Variants in TEX9 observed in about 807,000 individuals in gnomAD.
TEX9 encodes testis-expressed protein 9.
TEX9 carries 74 observed loss-of-function variants against 59.6 expected under a neutral mutation model. The ratio of observed to expected loss-of-function variants is 1.24; its 90% CI spans 1.03 to 1.51. The LOEUF (loss-of-function observed/expected upper bound fraction) is 1.51. Ranked by LOEUF, TEX9 falls within the 40% of genes most tolerant of loss-of-function variation. TEX9 has a pLI of 0.00. For missense variants in TEX9, 522 were observed against 447.8 expected, an observed-to-expected ratio of 1.17 and a Z score of -1.49; for synonymous variants, 186 against 152.2, an observed-to-expected ratio of 1.22 and a Z score of -1.64.
intron 9 of TEX9, 126 bp from the exon 10 acceptor site, chr15:56,412,176 G>T: frequency 1.4e-6 from 1 of 729,898 alleles, no homozygotes; most frequent in Non-Finnish European, 2.1e-6. Flanking sequence ...CCCCAAGCGT[G>T]TGTGTGTGTG....
At chr15:56,256,983 A>G (rs2044158868) in intron 1 of TEX9, among the ~76,000 whole-genome samples, 1 of 151,428 alleles carries the variant, frequency 6.6e-6, no homozygotes, top group Non-Finnish European at 1.5e-5. Context: ...ATTCCCCTCT[A>G]TGTGTCCATG....
intron 9 of TEX9, among the ~76,000 whole-genome samples, chr15:56,411,377 A>T (rs7181235): frequency 0.54 from 81,789 of 150,622 alleles, 22,222 homozygotes; most frequent in African/African-American, 0.59. Flanking sequence ...TATGATGATA[A>T]ATGTCTCTCA....
intron 1 of TEX9, among the ~76,000 whole-genome samples, chr15:56,296,081 A>G (rs185829699): frequency 2.0e-5 from 3 of 152,284 alleles, no homozygotes; most frequent in Admixed American, 2.0e-4. Context: ...ACCCAATCCT[A>G]TAAGTGGATC....
intron 3 of TEX9, chr15:56,374,234 T>G (rs1346226965): frequency 1.4e-5 from 2 of 147,630 alleles, no homozygotes; most frequent in Non-Finnish European, 3.0e-5. Flanking sequence ...TTCATTACGT[T>G]TTCTACTCAG....
At chr15:56,335,357 A>G (rs1274195365) in intron 1 of TEX9, among the ~76,000 whole-genome samples, 1 of 152,170 alleles carries the variant, frequency 6.6e-6, no homozygotes, top group African/African-American at 2.4e-5. Context: ...AACAAAATGG[A>G]TGGAACTGGA....
intron 12 of TEX9, chr15:56,428,783 AACACAGACAGAAGGCAGTTC>A: frequency 2.8e-6 from 1 of 355,382 alleles, no homozygotes. Context: ...AAAGTTCGTA[AACACAGACAGAAGGCAGTTC>A]ACTTTGGGGT....
At chr15:56,250,771 A>T (rs1330145464) in intron 1 of TEX9, among the ~76,000 whole-genome samples, 1 of 152,176 alleles carries the variant, frequency 6.6e-6, no homozygotes, top group Non-Finnish European at 1.5e-5. Flanking sequence ...GAAAAAAAAA[A>T]ACAAAATAAT....
At chr15:56,365,458 G>A (rs537944924) in exon 1 of TEX9, 7 of 1,612,562 alleles carry the variant, frequency 4.3e-6, no homozygotes, top group Admixed American at 1.7e-5. Context: ...AAGATGGCGG[G>A]GCGAAGTCTG....
At chr15:56,332,894 A>G (rs1052637204) in intron 1 of TEX9, among the ~76,000 whole-genome samples, 1 of 152,150 alleles carries the variant, frequency 6.6e-6, no homozygotes, top group Non-Finnish European at 1.5e-5. Context: ...ATGAGCAACT[A>G]TATGCTAATA....
At chr15:56,442,069 T>C (rs1248867367) in intron 12 of TEX9, among the ~76,000 whole-genome samples, 1 of 151,630 alleles carries the variant, frequency 6.6e-6, no homozygotes, top group Non-Finnish European at 1.5e-5. Context: ...AAAAATAGGC[T>C]AAGTACATGA....
chr15:56,400,216 C>A (rs1253113405), intron 9 of TEX9, among the ~76,000 whole-genome samples: 1 of 152,108 alleles, frequency 6.6e-6, no homozygotes, highest in Non-Finnish European at 1.5e-5. Context: ...TAACCCAACA[C>A]AAGGAAGCTA....
chr15:56,427,843 G>A, intron 11 of TEX9, 104 bp downstream of exon 11: 1 of 845,306 alleles, frequency 1.2e-6, no homozygotes, highest in Non-Finnish European at 1.7e-6. Context: ...TTTACGCACT[G>A]AACTTCATAT....
intron 9 of TEX9, among the ~76,000 whole-genome samples, chr15:56,401,308 CAAAAAAAAAAAAA>C (rs1207055803): frequency 2.1e-5 from 1 of 46,776 alleles, no homozygotes; most frequent in African/African-American, 1.0e-4. Context: ...AAATTGAAAG[CAAAAAAAAAAAAA>C]AAAAAAAAAA....
intron 1 of TEX9, among the ~76,000 whole-genome samples, chr15:56,299,381 C>T (rs1227411689): frequency 6.6e-6 from 1 of 152,204 alleles, no homozygotes; most frequent in Admixed American, 6.5e-5. Context: ...GTGGTTGGAA[C>T]CTGAGTTCTG....
chr15:56,296,305 G>T (rs1362501621), intron 1 of TEX9, among the ~76,000 whole-genome samples: 1 of 152,014 alleles, frequency 6.6e-6, no homozygotes, highest in African/African-American at 2.4e-5. Flanking sequence ...ATTCTAGTTT[G>T]TTACTGAATT....
intron 6 of TEX9, 66 bp from the exon 7 acceptor site, chr15:56,391,177 C>T: frequency 9.4e-7 from 1 of 1,068,962 alleles, no homozygotes; most frequent in Non-Finnish European, 1.3e-6. Context: ...TATATCCTGT[C>T]TACCTTTCCT....
In TEX9 at chr15:56,412,310, A is replaced by C. The variant is rs764215553; in HGVS notation, c.837A>C (p.Glu279Asp). 2.5e-6 allele frequency: 4 copies of C among 1,606,092 alleles called. No individual in the cohort carries two copies. The African/African-American group carries it at 5.4e-5, about 22-fold the overall frequency. ...TCTTTTTTACTATACAGGAATTAGA[A>C]AATAAAAGAAGACTGCAAAAACAGG... The change falls in exon 10 of 13, where the codon GAA becomes GAC. Residue 279 changes from glutamate to aspartate, a missense_variant. Physicochemically the swap from Glu to Asp is conservative, Grantham distance 45. Transcript: ENST00000352903.
chr15:56,367,333 T>C (rs1473935356), intron 2 of TEX9, among the ~76,000 whole-genome samples: 3 of 152,222 alleles, frequency 2.0e-5, no homozygotes, highest in African/African-American at 7.2e-5. Flanking sequence ...TGTCTGGCCA[T>C]CCCTGTAAGC....
chr15:56,334,550 C>G (rs1289991117), intron 1 of TEX9, among the ~76,000 whole-genome samples: 3 of 152,062 alleles, frequency 2.0e-5, no homozygotes, highest in African/African-American at 4.8e-5. Context: ...TGTGAAACTA[C>G]TGAAAGAAAT....
Sources: allele counts gnomAD v4.1 joint callset (sites outside exome capture counted in the v4.1 genomes callset), GRCh38; gene constraint gnomAD v4.1.1; transcripts MANE v1.5; gene names NCBI Gene and HGNC (gene_info 2026-07-23, HGNC 2026-07-21).